Variants in GRM8 observed in about 807,000 individuals in gnomAD.
GRM8 encodes the protein glutamate metabotropic receptor 8.
A neutral mutation model predicts 87.2 loss-of-function variants in GRM8; 47 were observed. The ratio of observed to expected loss-of-function variants is 0.54; its 90% CI spans 0.43 to 0.69. The LOEUF (loss-of-function observed/expected upper bound fraction) is 0.69. GRM8 is among the 30% of genes least tolerant of loss of function. The pLI, the probability that GRM8 is intolerant of heterozygous loss-of-function variation, is 0.00. For missense variants in GRM8, 1,019 were observed against 1,139.2 expected (o/e 0.89, Z 1.52); for synonymous variants, 396 against 404.5 (o/e 0.98, Z 0.25).
At chr7:126,969,792 T>C (rs547101528) in intron 3 of GRM8, among the ~76,000 whole-genome samples, 1 of 152,266 alleles carries the variant, frequency 6.6e-6, no homozygotes, top group Non-Finnish European at 1.5e-5. Context: ...TACATACAGG[T>C]ATCGCTATCT....
intron 6 of GRM8, among the ~76,000 whole-genome samples, chr7:126,805,251 C>T (rs1238309312): frequency 6.6e-6 from 1 of 152,112 alleles, no homozygotes; most frequent in African/African-American, 2.4e-5. Flanking sequence ...AAAAATGATC[C>T]CCCAAACCCA....
At position 126,454,924 on chromosome 7, in the gene GRM8, C is replaced by T. The variant is rs557596104; in HGVS notation, c.2431-8552G>A. 5.9e-5 allele frequency among the ~76,000 whole-genome samples: 9 copies of T among 151,788 alleles called. No individual in the cohort carries two copies. The South Asian group carries it at 1.9e-3, about 31-fold the overall frequency. On this transcript the variant is annotated intron_variant, in intron 9 of 10. Coordinates refer to ENST00000339582, the MANE Select transcript of GRM8 (RefSeq NM_000845.3). Reference sequence around the variant, plus strand: ...TGTTTAAACCACCCTGTGTGTGATACAGCCCTGGAAAACTAACAGGAATGG... The same window carrying T: ...TGTTTAAACCACCCTGTGTGTGATATAGCCCTGGAAAACTAACAGGAATGG...
chr7:126,900,928 ATCT>A (rs1802014800), intron 6 of GRM8, among the ~76,000 whole-genome samples: 2 of 152,184 alleles, frequency 1.3e-5, no homozygotes, highest in Middle Eastern at 3.4e-3. Context: ...TGCCAGGCAA[ATCT>A]TCTTGAACCG....
chr7:126,446,050 G>A, intron 10 of GRM8, 76 bp downstream of exon 10: 1 of 1,557,874 alleles, frequency 6.4e-7, no homozygotes, highest in Non-Finnish European at 8.8e-7. Flanking sequence ...CCCAAGACTA[G>A]GAGAAGAATG....
At chr7:126,862,749 C>T (rs1359972629) in intron 6 of GRM8, among the ~76,000 whole-genome samples, 1 of 152,032 alleles carries the variant, frequency 6.6e-6, no homozygotes. Context: ...TTTAGCATAA[C>T]ATGTTCAAAT....
intron 3 of GRM8, among the ~76,000 whole-genome samples, chr7:127,037,431 C>T (rs1817944718): frequency 6.6e-6 from 1 of 152,184 alleles, no homozygotes; most frequent in Non-Finnish European, 1.5e-5. Context: ...GTCTGAGCCT[C>T]TCCCTCCCCC....
intron 7 of GRM8, among the ~76,000 whole-genome samples, chr7:126,626,101 A>AGTGTGTGTGTGTGT (rs71312854): frequency 0.033 from 4,953 of 148,726 alleles, 81 homozygotes; most frequent in East Asian, 0.039. Flanking sequence ...ATATGAGAGA[A>AGTGTGTGTGTGTGT]GTGTGTGTGT....
At position 126,458,040 on chromosome 7, in the gene GRM8, G is replaced by A. The variant is rs188096254; in HGVS notation, c.2431-11668C>T. On this transcript the variant is annotated intron_variant, in intron 9 of 10. Coordinates refer to ENST00000339582, the MANE Select transcript of GRM8 (RefSeq NM_000845.3). ...TGTTAGCCAAAAAAAAAAATAAAGT[G>A]TATGTTTAAAGTTTAAGAGCAACTT... is the stretch of plus-strand genomic sequence containing the variant. 3.7e-3 allele frequency among the ~76,000 whole-genome samples: 555 copies of A among 148,736 alleles called. 4 individuals carry two copies. Among genetic ancestry groups the A allele is most frequent in the African/African-American group, 0.013 (531 of 40,938 alleles).
At chr7:127,030,670 A>T (rs1172260697) in intron 3 of GRM8, among the ~76,000 whole-genome samples, 1 of 152,136 alleles carries the variant, frequency 6.6e-6, no homozygotes, top group African/African-American at 2.4e-5. Context: ...CAGGGAATTA[A>T]CTACATCCTA....
intron 7 of GRM8, among the ~76,000 whole-genome samples, chr7:126,745,306 G>A (rs958548960): frequency 9.9e-5 from 15 of 151,334 alleles, no homozygotes; most frequent in Admixed American, 6.6e-5. Flanking sequence ...CTTGCTATAC[G>A]CCAGATATAG....
intron 8 of GRM8, among the ~76,000 whole-genome samples, chr7:126,554,118 C>T (rs962792664): frequency 5.9e-5 from 9 of 151,990 alleles, no homozygotes; most frequent in Non-Finnish European, 1.5e-5. Flanking sequence ...TTAAGTGCTT[C>T]CTAAAATTGT....
intron 3 of GRM8, among the ~76,000 whole-genome samples, chr7:126,977,157 TA>T (rs1274571913): frequency 6.6e-6 from 1 of 152,196 alleles, no homozygotes; most frequent in African/African-American, 2.4e-5. Flanking sequence ...CTAAAAATTT[TA>T]AATATTTTCA....
Position 126,533,504 on chromosome 7 carries a change from T to A in GRM8, c.1878A>T (p.Leu626=), listed in dbSNP as rs1237212020. 9 of 1,614,000 alleles carry A rather than the reference T, an allele frequency of 5.6e-6. No homozygotes were observed. The Admixed American group carries it at 1.0e-4, about 18-fold the overall frequency. ...TTGAATAACAGAGAAAAATCCCCGT[T>A]AGGAGCACGTAACTAAGTTCGCGTC... ...ASGRELSYVL[L]TGIFLCYSIT... The change falls in exon 9 of 11, where the codon CTA becomes CTT. Residue 626 remains leucine, a synonymous_variant. Coordinates refer to ENST00000339582, the MANE Select transcript of GRM8 (RefSeq NM_000845.3).
At chr7:127,037,832 C>CGTAT (rs1554576095) in intron 3 of GRM8, among the ~76,000 whole-genome samples, 1 of 147,324 alleles carries the variant, frequency 6.8e-6, no homozygotes, top group Non-Finnish European at 1.5e-5. Flanking sequence ...CATGCGCATC[C>CGTAT]GTGTGTGTGT....
At chr7:126,704,754 C>T (rs1035860504) in intron 7 of GRM8, among the ~76,000 whole-genome samples, 7 of 152,154 alleles carry the variant, frequency 4.6e-5, no homozygotes, top group Admixed American at 3.3e-4. Flanking sequence ...AGGAAATTCC[C>T]GCCCAATAAA....
At chr7:127,025,271 T>C (rs1016051346) in intron 3 of GRM8, among the ~76,000 whole-genome samples, 1 of 152,082 alleles carries the variant, frequency 6.6e-6, no homozygotes, top group African/African-American at 2.4e-5. Context: ...CCCCTCTTTT[T>C]ACACACTTCT....
At chr7:127,098,327 C>T (rs1019447980) in intron 3 of GRM8, among the ~76,000 whole-genome samples, 16 of 152,192 alleles carry the variant, frequency 1.1e-4, no homozygotes, top group Admixed American at 4.6e-4. Context: ...GTCATTTTCC[C>T]AAAGCAATGA....
chr7:126,651,425 C>T (rs1803855176), intron 7 of GRM8, among the ~76,000 whole-genome samples: 1 of 152,130 alleles, frequency 6.6e-6, no homozygotes, highest in Non-Finnish European at 1.5e-5. Context: ...GAATCGGCGT[C>T]CTATATATGG....
At chr7:127,072,631 A>T (rs1418630012) in intron 3 of GRM8, among the ~76,000 whole-genome samples, 21 of 128,456 alleles carry the variant, frequency 1.6e-4, no homozygotes, top group South Asian at 5.2e-4. Flanking sequence ...CCCTCATATT[A>T]TACTTTTTTT....
Sources: gnomAD v4.1 joint callset for allele counts (sites outside exome capture counted in the v4.1 genomes callset) on GRCh38, gnomAD v4.1.1 for gene constraint, MANE v1.5 for transcripts, NCBI Gene and HGNC (gene_info 2026-07-23, HGNC 2026-07-21) for gene names.